LAMA5: variants seen among roughly 807,000 people sequenced by gnomAD.
LAMA5 encodes laminin subunit alpha-5.
In LAMA5, 260 loss-of-function variants were observed where a neutral mutation model predicts 433.4. The ratio of observed to expected loss-of-function variants is 0.60; its 90% CI spans 0.54 to 0.66. LAMA5 has a LOEUF of 0.66. Among genes scored for constraint, LAMA5 ranks in the 30% least tolerant of loss-of-function variants. LAMA5 has a pLI of 0.00. For synonymous variants in LAMA5, 2,620 were observed against 2,226.6 expected (o/e 1.18, Z -4.97); for missense variants, 5,378 against 5,258.5 (o/e 1.02, Z -0.70).
Position 62,337,937 on chromosome 20 carries a change from T to C in LAMA5, c.1893A>G (p.Ala631=), listed in dbSNP as rs1386546782. 2 of 1,608,662 alleles carry C rather than the reference T, an allele frequency of 1.2e-6. No individual in the cohort carries two copies. Among genetic ancestry groups the C allele is most frequent in the East Asian group, 4.5e-5 (2 of 44,620 alleles). Residue 631 remains alanine (A), a splice_region_variant and synonymous_variant, in exon 15 of 80, where the codon GCA becomes GCG. Transcript: ENST00000252999. The part of the protein sequence containing the change: ...PGYHGFPNCQ[A]CTCDPRGALD... Reference sequence around the variant, plus strand: ...GGGCTCCCCGAGGGTCGCAGGTGCATGCTGCAGAGGGACAATGGGGTCAGG... The same window carrying C: ...GGGCTCCCCGAGGGTCGCAGGTGCACGCTGCAGAGGGACAATGGGGTCAGG...
intron 40 of LAMA5, 83 bp from the exon 41 acceptor site, chr20:62,325,629 AG>A: frequency 2.4e-6 from 2 of 844,696 alleles, no homozygotes; most frequent in Non-Finnish European, 3.7e-6. Flanking sequence ...CCAACCCTGT[AG>A]GGGATGGAGG....
Position 62,337,831 on chromosome 20 carries a change from C to T in LAMA5, c.1999G>A (p.Gly667Ser), listed in dbSNP as rs757900946. 54 of 1,612,596 alleles carry T rather than the reference C, an allele frequency of 3.3e-5. No individual in the cohort carries two copies. The highest frequency in any genetic ancestry group is 4.2e-5 in the Non-Finnish European group (50 of 1,179,916). The change falls in exon 15 of 80, where the codon GGC becomes AGC. Residue 667 changes from glycine (G) to serine (S), a missense_variant. Gly to Ser is a moderately conservative substitution (Grantham distance 56). Coordinates refer to ENST00000252999, the MANE Select transcript of LAMA5 (RefSeq NM_005560.6). ...ACACAGCTGGGGAAGCCGTGAAAGC[C>T]GGGGCTGCATTCCTGGCAGGCAGTG... ...TGTACQECSP[G>S]FHGFPSCVPC...
Position 62,346,702 on chromosome 20 carries a change from C to T in LAMA5, c.1171G>A (p.Gly391Ser). ...CCCACCTGGCAGTCGATACAGACAC[C>T]CCCACCCTGATAGGTGCCATCCAGG... ...QSLDGTYQGGGVCIDCQHHTT... is the reference protein window; with the variant it reads ...QSLDGTYQGGSVCIDCQHHTT... The change falls in exon 8 of 80, where the codon GGT (glycine) becomes AGT (serine). Residue 391 changes from glycine to serine, a missense_variant. Gly to Ser is a moderately conservative substitution (Grantham distance 56). Coordinates refer to ENST00000252999, the MANE Select transcript of LAMA5 (RefSeq NM_005560.6). 1 of 1,613,300 alleles carries T rather than the reference C, an allele frequency of 6.2e-7. No individual in the cohort carries two copies. The highest frequency in any genetic ancestry group is 8.5e-7 in the Non-Finnish European group (1 of 1,179,882).
Position 62,309,850 on chromosome 20 carries a change from G to A in LAMA5, c.10829-15C>T, listed in dbSNP as rs746080615. The A allele has an allele frequency of 6.2e-7, 1 of 1,611,026 alleles. No homozygotes were observed. The highest frequency in any genetic ancestry group is 8.5e-7 in the Non-Finnish European group (1 of 1,179,488). On this transcript the variant is annotated splice_polypyrimidine_tract_variant and intron_variant, in intron 78 of 79. Transcript: ENST00000252999. ...GCTTTTCATCACTGGGAGAAAGGGG[G>A]ACTCCTGAGGCCAGGTGGTCCTCAG...
rs375978861 is a variant in LAMA5, at chr20:62,319,695, C to G, written c.6860G>C (p.Arg2287Pro). ...TLLAAIRAVD[R>P]TLSELMSQTG... ...GGGCTGGCCCCTACCGCTCAGGGTGCGGTCCACAGCCCGGATGGCCGCCAA... is the reference window on the plus strand; with the variant it reads ...GGGCTGGCCCCTACCGCTCAGGGTGGGGTCCACAGCCCGGATGGCCGCCAA... Residue 2287 changes from arginine (R) to proline (P), a missense_variant, in exon 51 of 80, where the codon CGC (arginine) becomes CCC (proline). Arg to Pro is a moderately radical substitution (Grantham distance 103). Coordinates refer to ENST00000252999, the MANE Select transcript of LAMA5 (RefSeq NM_005560.6). 9 of 1,541,844 alleles carry G rather than the reference C, an allele frequency of 5.8e-6. No individual in the cohort carries two copies. The South Asian group carries it at 1.1e-4, about 18-fold the overall frequency.
rs1183998727 is a variant in LAMA5 at position 62,318,368 on chromosome 20, G to GGGGAA, written c.7239+85_7239+86insTTCCC. The stretch of plus-strand genomic sequence containing the variant: ...ACGGAGGGAGGGGAGGACGAGGGGA[G>GGGGAA]GGGAGGGGAGGAGCCGGAGAGGAGA... On this transcript the variant is annotated intron_variant, in intron 53 of 79. Coordinates refer to ENST00000252999, the MANE Select transcript of LAMA5 (RefSeq NM_005560.6). The GGGGAA allele has an allele frequency of 1.1e-5, 10 of 916,082 alleles. No individual in the cohort carries two copies. In the African/African-American group the frequency reaches 1.6e-4, roughly 15 times the overall value. The allele number at this position is 916,082 out of a possible 1,614,324, so 56.7% of individuals were successfully genotyped here.
rs779332923 is a variant in LAMA5 at position 62,322,454 on chromosome 20, G to A, written c.6166-5C>T. ...ATCGAAACCAAAATGTCCCTCCTGT[G>A]GCACAGGCTGGTCACTGCCCTGCCC... On this transcript the variant is annotated splice_region_variant and splice_polypyrimidine_tract_variant and intron_variant, in intron 46 of 79. Transcript: ENST00000252999. 6.4e-7 allele frequency: 1 copy of A among 1,574,184 alleles called. No individual in the cohort carries two copies. Among genetic ancestry groups the A allele is most frequent in the South Asian group, 1.2e-5 (1 of 86,444 alleles).
In LAMA5 at chr20:62,334,407, C is replaced by T. The variant is rs573181437; in HGVS notation, c.2583-65G>A. 9.8e-5 allele frequency: 150 copies of T among 1,524,796 alleles called. 1 individual carries two copies. The highest frequency in any genetic ancestry group is 1.2e-4 in the African/African-American group (9 of 72,762). The allele number at this position is 1,524,796 out of a possible 1,614,324, so 94.5% of individuals were successfully genotyped here. On this transcript the variant is annotated intron_variant, in intron 21 of 79. Coordinates refer to ENST00000252999, the MANE Select transcript of LAMA5 (RefSeq NM_005560.6). ...CCTACCTAGCCCTGCACAGCGGCCC[C>T]GGGTCTCCAGGGAGGGTGAGGCCTC... is the stretch of plus-strand genomic sequence containing the variant.
chr20:62,332,971 TG>T, intron 26 of LAMA5, 118 bp downstream of exon 26: 1 of 500,972 alleles, frequency 2.0e-6, no homozygotes, highest in Non-Finnish European at 2.6e-6. Context: ...GCCTGGGTGC[TG>T]GGCTCCATTG....
chr20:62,325,327 C>T lies in LAMA5; in HGVS notation c.5518G>A (p.Asp1840Asn), dbSNP rs777754372. The T allele has an allele frequency of 8.2e-6, 13 of 1,582,706 alleles. No homozygotes were observed. In the East Asian group the frequency reaches 2.0e-4, roughly 25 times the overall value. ...TGTCCTAACCTCACCTGGCATGAGTCCCCCCGGTAGCTGGCGGGGCACAGG... is the reference window on the plus strand; with the variant it reads ...TGTCCTAACCTCACCTGGCATGAGTTCCCCCGGTAGCTGGCGGGGCACAGG... Reference protein sequence around the residue: ...LCLCPASYRGDSCQECAPGFY... With the variant: ...LCLCPASYRGNSCQECAPGFY... The change falls in exon 41 of 80, where the codon GAC becomes AAC. Residue 1840 changes from aspartate (D) to asparagine (N), a missense_variant. Physicochemically the swap from Asp to Asn is conservative, Grantham distance 23. Coordinates refer to ENST00000252999, the MANE Select transcript of LAMA5 (RefSeq NM_005560.6).
At position 62,312,408 on chromosome 20, in the gene LAMA5, C is replaced by G. The variant is rs756142433; in HGVS notation, c.9352G>C (p.Asp3118His). Residue 3118 changes from aspartate (D) to histidine (H), a missense_variant, in exon 68 of 80, where the codon GAC becomes CAC. Physicochemically the swap from Asp to His is moderately conservative, Grantham distance 81. Coordinates refer to ENST00000252999, the MANE Select transcript of LAMA5 (RefSeq NM_005560.6). ...CGGGGAGGGCTGCTCACCAGCAGGT[C>G]GGCGGTGCAGCCGGCGCTCACGCCT... ...TTGVSAGCTA[D>H]LLVGRAMTFH... 1.9e-6 allele frequency: 3 copies of G among 1,598,294 alleles called. No individual in the cohort carries two copies. The highest frequency in any genetic ancestry group is 3.3e-5 in the Admixed American group (2 of 59,854).
At position 62,309,175 on chromosome 20, in the gene LAMA5, A is replaced by ATTTTATTCTTTCGTTT; in HGVS notation, c.*145_*160dup. On this transcript the variant is annotated 3_prime_UTR_variant, in exon 80 of 80. Coordinates refer to ENST00000252999, the MANE Select transcript of LAMA5 (RefSeq NM_005560.6). ...GCCAAATATAAAAACATTTTGCAGT[A>ATTTTATTCTTTCGTTT]TTTTATTCTTTCGTTTAAGAAGCTA... 2.7e-6 allele frequency: 2 copies of ATTTTATTCTTTCGTTT among 738,386 alleles called. No individual in the cohort carries two copies. The highest frequency in any genetic ancestry group is 4.5e-5 in the South Asian group (2 of 44,776). 45.7% of individuals were successfully genotyped at this position (738,386 alleles called of 1,614,324 possible).
intron 51 of LAMA5, 99 bp from the exon 52 acceptor site, chr20:62,319,112 C>G (rs1987374499): frequency 7.6e-7 from 1 of 1,322,570 alleles, no homozygotes; most frequent in African/African-American, 1.5e-5. Context: ...CCATCCTTGG[C>G]AGGCCAGGGG....
Position 62,312,660 on chromosome 20 carries a change from C to A in LAMA5, c.9199G>T (p.Gly3067Cys). ...LELADAYYLG[G>C]VPPDQLPPSL... is the part of the protein sequence containing the mutation. ...GGGGGCAGCTGGTCGGGCGGCACGC[C>A]CCCCAGGTAGTAGGCGTCGGCCAGC... Residue 3067 changes from glycine (G) to cysteine (C), a missense_variant, in exon 67 of 80, where the codon GGC becomes TGC. Gly to Cys is a radical substitution (Grantham distance 159). Coordinates refer to ENST00000252999, the MANE Select transcript of LAMA5 (RefSeq NM_005560.6). 1 of 1,607,622 alleles carries A rather than the reference C, an allele frequency of 6.2e-7. No individual in the cohort carries two copies. Among genetic ancestry groups the A allele is most frequent in the Non-Finnish European group, 8.5e-7 (1 of 1,177,966 alleles).
intron 28 of LAMA5, among the ~76,000 whole-genome samples, chr20:62,331,454 G>A (rs1390872607): frequency 1.3e-5 from 2 of 152,078 alleles, no homozygotes; most frequent in Non-Finnish European, 1.5e-5. Flanking sequence ...GCAGACCAGC[G>A]TGTTGGCCAG....
intron 3 of LAMA5, 38 bp downstream of exon 3, chr20:62,353,095 CT>C (rs772626661): frequency 2.6e-5 from 38 of 1,458,190 alleles, no homozygotes; most frequent in Middle Eastern, 3.5e-4. Context: ...AGGGACCCCC[CT>C]GCCTCTCCCC....
At position 62,312,211 on chromosome 20, in the gene LAMA5, C is replaced by T. The variant is rs140550546; in HGVS notation, c.9466G>A (p.Ala3156Thr). 21 of 1,610,342 alleles carry T rather than the reference C, an allele frequency of 1.3e-5. No individual in the cohort carries two copies. The highest frequency in any genetic ancestry group is 8.4e-5 in the Admixed American group (5 of 59,504). Residue 3156 changes from alanine (A) to threonine (T), a missense_variant, in exon 69 of 80, where the codon GCC becomes ACC. By Grantham distance (58) the Ala-to-Thr change is moderately conservative. Coordinates refer to ENST00000252999, the MANE Select transcript of LAMA5 (RefSeq NM_005560.6). ...TAGTAGAGCAGGGCACTGTCCTGGG[C>T]GCTGTGGAAGCCGAAGCCGGAGTAG... Reference protein sequence around the residue: ...NVYSGFGFHSAQDSALLYYRA... With the variant: ...NVYSGFGFHSTQDSALLYYRA...
chr20:62,336,859 G>T, intron 16 of LAMA5, 73 bp from the exon 17 acceptor site: 1 of 1,488,654 alleles, frequency 6.7e-7, no homozygotes, highest in Non-Finnish European at 9.2e-7. Context: ...CCCAGGCCCA[G>T]CCAGAACCCA....
Position 62,309,257 on chromosome 20 carries a change from TAGACACCTA to T in LAMA5, c.*70_*78del. 7.1e-7 allele frequency: 1 copy of T among 1,398,860 alleles called. No homozygotes were observed. The highest frequency in any genetic ancestry group is 2.2e-5 in the Admixed American group (1 of 45,128). 86.7% of individuals were successfully genotyped at this position (1,398,860 alleles called of 1,614,324 possible). On this transcript the variant is annotated 3_prime_UTR_variant, in exon 80 of 80. Coordinates refer to ENST00000252999, the MANE Select transcript of LAMA5 (RefSeq NM_005560.6). ...TCACCCGTAGAGCTTAGAGTCCAAATAGACACCTATGAGGCGAGCACAAGGGGCGGTGTG... is the reference window on the plus strand; with the variant it reads ...TCACCCGTAGAGCTTAGAGTCCAAATTGAGGCGAGCACAAGGGGCGGTGTG...
Sources: allele counts gnomAD v4.1 joint callset (sites outside exome capture counted in the v4.1 genomes callset), GRCh38; gene constraint gnomAD v4.1.1; transcripts MANE v1.5; gene names NCBI Gene and HGNC (gene_info 2026-07-23, HGNC 2026-07-21).